Variants in RAB35 observed in about 807,000 individuals in gnomAD.
RAB35 encodes the protein ras-related protein Rab-35.
A neutral mutation model predicts 28.9 loss-of-function variants in RAB35; 4 were observed. The ratio of observed to expected loss-of-function variants is 0.14; its 90% CI spans 0.07 to 0.32. The LOEUF is 0.32. Ranked by LOEUF, RAB35 falls within the 10% of genes least tolerant of loss-of-function variation. The probability of loss-of-function intolerance (pLI) is 1.00; values close to 1 mark genes in which losing one functional copy is unlikely to be tolerated. For missense variants in RAB35, 128 were observed against 274.0 expected (o/e 0.47, Z 3.76); for synonymous variants, 99 against 105.1 (o/e 0.94, Z 0.35).
chr12:120,110,845 C>T (rs559782613), intron 1 of RAB35, among the ~76,000 whole-genome samples: 5 of 152,328 alleles, frequency 3.3e-5, no homozygotes, highest in Admixed American at 6.5e-5. Context: ...GCCTGCAGGG[C>T]TCATGCTCAG....
chr12:120,096,869 G>A lies in RAB35; in HGVS notation c.*376C>T, dbSNP rs117978621. On this transcript the variant is annotated 3_prime_UTR_variant, in exon 6 of 6. Transcript: ENST00000229340. ...AGTAAGATGGGCTGGGGAGGGGCGC[G>A]GGGAGGGTCTGTTGCAGCAGGCTGG... 33,787 of 1,304,352 alleles carry A rather than the reference G, an allele frequency of 0.026. 510 individuals carry two copies. Among genetic ancestry groups the A allele is most frequent in the Non-Finnish European group, 0.031 (30,941 of 998,768 alleles). The allele number at this position is 1,304,352 out of a possible 1,614,324, so 80.8% of individuals were successfully genotyped here.
At chr12:120,108,288 CCCT>C in intron 2 of RAB35, 126 bp downstream of exon 2, 1 of 949,730 alleles carries the variant, frequency 1.1e-6, no homozygotes, top group Non-Finnish European at 1.6e-6. Flanking sequence ...CCATCTTCTT[CCCT>C]CCTCTGGCAA....
rs1875970723 is a variant in RAB35 at position 120,108,276 on chromosome 12, C to A, written c.103+141G>T. 3 of 833,338 alleles carry A rather than the reference C, an allele frequency of 3.6e-6. No individual in the cohort carries two copies. In the Admixed American group the frequency reaches 7.2e-5, roughly 20 times the overall value. The allele number at this position is 833,338 out of a possible 1,614,324, so 51.6% of individuals were successfully genotyped here. A position where few individuals can be genotyped will look rare whatever the true frequency, so the allele number is the denominator to read the frequency against. ...AAGCGCCACAAGGTCCTAAGCCCCA[C>A]TCCATCTTCTTCCCTCCTCTGGCAA... On this transcript the variant is annotated intron_variant, in intron 2 of 5. Transcript: ENST00000229340.
intron 2 of RAB35, 73 bp from the exon 3 acceptor site, chr12:120,104,022 C>T: frequency 6.4e-7 from 1 of 1,570,818 alleles, no homozygotes; most frequent in Non-Finnish European, 8.6e-7. Context: ...CTGCACACAA[C>T]ACACCCCCAG....
Position 120,095,644 on chromosome 12 carries a change from C to G in RAB35, c.*1601G>C, listed in dbSNP as rs1875349569. On this transcript the variant is annotated 3_prime_UTR_variant, in exon 6 of 6. Transcript: ENST00000229340. ...GCCCCCTCCACAGCACCCTCCTTCC[C>G]AGGCCCATGGGGCTCCCCCACCCCA... 1 of 152,004 alleles carries G rather than the reference C, an allele frequency of 6.6e-6. No homozygotes were observed. Among genetic ancestry groups the G allele is most frequent in the Non-Finnish European group, 1.5e-5 (1 of 68,068 alleles). 9.4% of individuals were successfully genotyped at this position (152,004 alleles called of 1,614,324 possible).
chr12:120,115,297 C>T, intron 1 of RAB35, among the ~76,000 whole-genome samples: 1 of 152,174 alleles, frequency 6.6e-6, no homozygotes, highest in Non-Finnish European at 1.5e-5. Flanking sequence ...ACATCGCTAC[C>T]CAACACTCCT....
intron 1 of RAB35, among the ~76,000 whole-genome samples, chr12:120,114,691 A>G (rs1313090987): frequency 1.3e-5 from 2 of 152,208 alleles, no homozygotes; most frequent in Non-Finnish European, 2.9e-5. Flanking sequence ...TCTCGACCCA[A>G]TGAGTCTTCT....
intron 5 of RAB35, among the ~76,000 whole-genome samples, chr12:120,098,082 C>T (rs1486776149): frequency 2.0e-5 from 3 of 152,204 alleles, no homozygotes; most frequent in African/African-American, 7.2e-5. Flanking sequence ...GACAGGGTTC[C>T]ACCATGTTAG....
At chr12:120,108,805 G>A (rs763323918) in intron 1 of RAB35, 362 of 456,102 alleles carry the variant, frequency 7.9e-4, no homozygotes, top group Non-Finnish European at 1.3e-3. Context: ...TCAACCACAC[G>A]AAACGGCCCC....
At position 120,111,900 on chromosome 12, in the gene RAB35, G is replaced by A. The variant is rs373168496; in HGVS notation, c.53-3433C>T. ...ATCAGTGTCAGGGCAGGAGCAGAGG[G>A]CACCCACCAACCTTCACCACAGCCA... On this transcript the variant is annotated intron_variant, in intron 1 of 5. Transcript: ENST00000229340. 5.0e-4 allele frequency among the ~76,000 whole-genome samples: 76 copies of A among 151,890 alleles called. 2 individuals carry two copies. The South Asian group carries it at 0.015, about 30-fold the overall frequency.
At chr12:120,106,591 CTTTTTTTT>C (rs10709764) in intron 2 of RAB35, among the ~76,000 whole-genome samples, 18 of 102,738 alleles carry the variant, frequency 1.8e-4, no homozygotes, top group East Asian at 9.6e-4. Flanking sequence ...CTTTCTTTTT[CTTTTTTTT>C]TTTTTTTTTT....
intron 1 of RAB35, among the ~76,000 whole-genome samples, chr12:120,112,435 T>A (rs915971926): frequency 1.6e-4 from 23 of 146,488 alleles, no homozygotes; most frequent in South Asian, 4.3e-4. Context: ...TTCTCGATAT[T>A]TTTTTTTTTT....
intron 2 of RAB35, among the ~76,000 whole-genome samples, chr12:120,107,866 CAAAAAAA>C (rs57274207): frequency 6.3e-5 from 2 of 31,976 alleles, no homozygotes; most frequent in Non-Finnish European, 1.4e-4. Context: ...GACTCCATCT[CAAAAAAA>C]AAAAAAAAAA....
At chr12:120,107,230 A>T (rs995455831) in intron 2 of RAB35, among the ~76,000 whole-genome samples, 14 of 150,972 alleles carry the variant, frequency 9.3e-5, no homozygotes, top group African/African-American at 2.9e-4. Context: ...CTCATGATCC[A>T]CCCGCCTCGG....
At chr12:120,107,815 C>T (rs1346355453) in intron 2 of RAB35, among the ~76,000 whole-genome samples, 1 of 141,246 alleles carries the variant, frequency 7.1e-6, no homozygotes, top group Non-Finnish European at 1.5e-5. Context: ...TGCAGTGAGC[C>T]GAAATCGCGC....
At chr12:120,097,414 C>A in intron 5 of RAB35, 41 bp from the exon 6 acceptor site, 1 of 1,557,884 alleles carries the variant, frequency 6.4e-7, no homozygotes, top group Admixed American at 1.7e-5. Flanking sequence ...CAGACCTGGC[C>A]AGGAGGCCCC....
intron 1 of RAB35, among the ~76,000 whole-genome samples, chr12:120,113,298 G>A (rs931454145): frequency 1.3e-5 from 2 of 151,292 alleles, no homozygotes; most frequent in Non-Finnish European, 2.9e-5. Flanking sequence ...CAAAGCACTA[G>A]GACAAACTAC....
chr12:120,111,957 G>A (rs1876135188), intron 1 of RAB35, among the ~76,000 whole-genome samples: 1 of 151,158 alleles, frequency 6.6e-6, no homozygotes, highest in Non-Finnish European at 1.5e-5. Flanking sequence ...ACATCAGCAT[G>A]ACCCCAACCA....
rs753494028 is a variant in RAB35 at position 120,097,220 on chromosome 12, A to C, written c.*25T>G. ...CGGGCTGGGGGAGGGACCGCAGTGC[A>C]GTCTCTGCAGTGGACTGGGTGCCAT... On this transcript the variant is annotated 3_prime_UTR_variant, in exon 6 of 6. Coordinates refer to ENST00000229340, the MANE Select transcript of RAB35 (RefSeq NM_006861.7). The C allele has an allele frequency of 1.9e-6, 3 of 1,614,018 alleles. No homozygotes were observed. Among genetic ancestry groups the C allele is most frequent in the Non-Finnish European group, 2.5e-6 (3 of 1,180,032 alleles).
Sources: allele counts gnomAD v4.1 joint callset (sites outside exome capture counted in the v4.1 genomes callset), GRCh38; gene constraint gnomAD v4.1.1; transcripts MANE v1.5; gene names NCBI Gene and HGNC (gene_info 2026-07-23, HGNC 2026-07-21).